SMARCA2: variants seen among roughly 807,000 people sequenced by gnomAD.
The protein encoded by SMARCA2 is SWI/SNF-related matrix-associated actin-dependent regulator of chromatin subfamily A member 2.
SMARCA2 carries 61 observed loss-of-function variants against 199.8 expected under a neutral mutation model. The ratio of observed to expected loss-of-function variants is 0.31; its 90% CI spans 0.25 to 0.38. SMARCA2 has a LOEUF of 0.38. Among genes scored for constraint, SMARCA2 ranks in the 10% least tolerant of loss-of-function variants. SMARCA2 has a pLI of 1.00. For missense variants in SMARCA2, 1,344 were observed against 2,012.2 expected, an observed-to-expected ratio of 0.67 and a Z score of 6.35; for synonymous variants, 935 against 732.0, an observed-to-expected ratio of 1.28 and a Z score of -4.48.
chr9:2,029,336 T>A, intron 2 of SMARCA2, 89 bp downstream of exon 2: 1 of 1,514,550 alleles, frequency 6.6e-7, no homozygotes, highest in African/African-American at 1.4e-5. Flanking sequence ...CTACTGTTGT[T>A]AACAAGAAAA....
At chr9:2,068,259 C>G (rs1200728814) in intron 9 of SMARCA2, among the ~76,000 whole-genome samples, 1 of 152,134 alleles carries the variant, frequency 6.6e-6, no homozygotes, top group African/African-American at 2.4e-5. Flanking sequence ...TGAAGCTGAT[C>G]ATTTCTTTTG....
intron 21 of SMARCA2, among the ~76,000 whole-genome samples, chr9:2,101,008 T>C (rs1210229592): frequency 2.0e-5 from 3 of 152,088 alleles, no homozygotes; most frequent in Non-Finnish European, 4.4e-5. Flanking sequence ...CCACGAGATC[T>C]CGTGAGACTT....
chr9:2,146,129 ACCAG>A (rs1179892443), intron 27 of SMARCA2, among the ~76,000 whole-genome samples: 2 of 152,218 alleles, frequency 1.3e-5, no homozygotes, highest in African/African-American at 4.8e-5. Context: ...AGATCAAGGC[ACCAG>A]CAGATTCCAT....
chr9:2,100,660 G>A (rs923128213), intron 21 of SMARCA2, among the ~76,000 whole-genome samples: 11 of 151,184 alleles, frequency 7.3e-5, no homozygotes, highest in Admixed American at 2.0e-4. Flanking sequence ...CTGAGACTGC[G>A]CCACTGCACT....
chr9:2,162,152 A>T (rs1825714654), intron 28 of SMARCA2, among the ~76,000 whole-genome samples: 1 of 152,262 alleles, frequency 6.6e-6, no homozygotes, highest in African/African-American at 2.4e-5. Context: ...AAATATCTAA[A>T]TTAGAAAAGG....
chr9:2,159,443 T>C (rs1010432562), intron 27 of SMARCA2: 1 of 210,926 alleles, frequency 4.7e-6, no homozygotes, highest in African/African-American at 2.3e-5. Flanking sequence ...CTCCAAACCA[T>C]GCTGCTATTT....
intron 32 of SMARCA2, among the ~76,000 whole-genome samples, chr9:2,189,704 G>A (rs561679473): frequency 0.012 from 1,769 of 152,130 alleles, 25 homozygotes; most frequent in African/African-American, 0.041. Flanking sequence ...GCAGCAGACA[G>A]TGGGTATAAT....
intron 27 of SMARCA2, among the ~76,000 whole-genome samples, chr9:2,124,377 C>T (rs1483134928): frequency 6.6e-6 from 1 of 152,200 alleles, no homozygotes; most frequent in Non-Finnish European, 1.5e-5. Context: ...GCAAGGTCTG[C>T]ACAGATCTTT....
In SMARCA2 at chr9:2,081,028, C is replaced by T. The variant is rs189124186; in HGVS notation, c.2185-804C>T. Reference sequence around the variant, plus strand: ...TTCTTACATAAAAAATTAACATTTCCCTAAGCATAACATCATTAGCAAGCT... The same window carrying T: ...TTCTTACATAAAAAATTAACATTTCTCTAAGCATAACATCATTAGCAAGCT... On this transcript the variant is annotated intron_variant, in intron 14 of 33. Transcript: ENST00000349721. Among the ~76,000 whole-genome samples, 3 of 152,182 alleles carry T rather than the reference C, an allele frequency of 2.0e-5. No individual in the cohort carries two copies. In the East Asian group the frequency reaches 5.8e-4, roughly 29 times the overall value.
intron 1 of SMARCA2, chr9:2,027,867 C>T (rs974481245): frequency 6.6e-6 from 1 of 152,172 alleles, no homozygotes; most frequent in African/African-American, 2.4e-5. Flanking sequence ...TCCAAGGTAA[C>T]ATCATAATAT....
chr9:2,167,192 G>A (rs1013342074), intron 28 of SMARCA2, among the ~76,000 whole-genome samples: 3 of 152,154 alleles, frequency 2.0e-5, no homozygotes, highest in African/African-American at 7.2e-5. Context: ...GATTTAATTA[G>A]TTTGCAACTG....
In SMARCA2 at chr9:2,170,546, T is replaced by C; in HGVS notation, c.4253+74T>C. On this transcript the variant is annotated intron_variant, in intron 29 of 33. Coordinates refer to ENST00000349721, the MANE Select transcript of SMARCA2 (RefSeq NM_003070.5). The surrounding 1 kb of genome is among the most constrained non-coding windows in gnomAD (Gnocchi z 4.7). ...GTTACGTGAAACAGATTGAATCATA[T>C]AATCGGCCTTTGGAAGCAAATTTCT... 2 of 1,609,760 alleles carry C rather than the reference T, an allele frequency of 1.2e-6. No homozygotes were observed. Among genetic ancestry groups the C allele is most frequent in the Non-Finnish European group, 1.7e-6 (2 of 1,177,262 alleles).
Position 2,039,702 on chromosome 9 carries a change from C to G in SMARCA2, c.592C>G (p.Leu198Val). Residue 198 changes from leucine to valine, a missense_variant, in exon 4 of 34, where the codon CTC becomes GTC. By Grantham distance (32) the Leu-to-Val change is conservative. Transcript: ENST00000349721. This position sits in a 1 kb window ranked among gnomAD's most constrained non-coding sequence, Gnocchi z 4.8. ...AYKMLARGQPLPETLQLAVQG... is the reference protein window; with the variant it reads ...AYKMLARGQPVPETLQLAVQG... ...TAAAATGCTGGCCCGAGGCCAGCCCCTCCCCGAAACGCTGCAGCTTGCAGT... is the reference window on the plus strand; with the variant it reads ...TAAAATGCTGGCCCGAGGCCAGCCCGTCCCCGAAACGCTGCAGCTTGCAGT... 6.2e-7 allele frequency: 1 copy of G among 1,614,020 alleles called. No homozygotes were observed. The highest frequency in any genetic ancestry group is 8.5e-7 in the Non-Finnish European group (1 of 1,180,052).
intron 29 of SMARCA2, among the ~76,000 whole-genome samples, chr9:2,173,688 C>T (rs558671434): frequency 6.6e-6 from 1 of 152,148 alleles, no homozygotes; most frequent in South Asian, 2.1e-4. Context: ...GTTCTTCCAA[C>T]TCTAGCCTTC....
At position 2,086,356 on chromosome 9, in the gene SMARCA2, A is replaced by T. The variant is rs182433004; in HGVS notation, c.2527-473A>T. Among the ~76,000 whole-genome samples the T allele has an allele frequency of 3.0e-4, 45 of 152,366 alleles. No individual in the cohort carries two copies. In the East Asian group the frequency reaches 8.7e-3, roughly 29 times the overall value. On this transcript the variant is annotated intron_variant, in intron 17 of 33. Transcript: ENST00000349721. This position sits in a 1 kb window ranked among gnomAD's most constrained non-coding sequence, Gnocchi z 4.3. ...GAAAAGAAGGCATGGAGCCAAGAAT[A>T]TCTCAGCTGTAGAACCTGCTAGGGC...
intron 29 of SMARCA2, among the ~76,000 whole-genome samples, chr9:2,171,123 G>A (rs1162278551): frequency 6.6e-6 from 1 of 152,152 alleles, no homozygotes; most frequent in Non-Finnish European, 1.5e-5. Flanking sequence ...CCTAGAGATA[G>A]TGTGAATATT....
chr9:2,191,900 G>T (rs1480589562), intron 33 of SMARCA2: 1 of 153,476 alleles, frequency 6.5e-6, no homozygotes, highest in Non-Finnish European at 1.4e-5. Context: ...GAAAAATTCA[G>T]TGAGCATCTA....
intron 21 of SMARCA2, among the ~76,000 whole-genome samples, chr9:2,099,524 G>A (rs1822415488): frequency 6.6e-6 from 1 of 152,150 alleles, no homozygotes; most frequent in Non-Finnish European, 1.5e-5. Context: ...GATAGAGGAG[G>A]AGGGGGAATC....
At chr9:2,088,224 G>A (rs1821886884) in intron 18 of SMARCA2, among the ~76,000 whole-genome samples, 1 of 152,120 alleles carries the variant, frequency 6.6e-6, no homozygotes, top group African/African-American at 2.4e-5. Context: ...TACAATTTGA[G>A]GCTGTTGACA....
Sources: allele counts gnomAD v4.1 joint callset (sites outside exome capture counted in the v4.1 genomes callset), GRCh38; gene constraint gnomAD v4.1.1; non-coding constraint Gnocchi (gnomAD v3.1); transcripts MANE v1.5; gene names NCBI Gene and HGNC (gene_info 2026-07-23, HGNC 2026-07-21).